DYSF: variants seen among roughly 807,000 people sequenced by gnomAD.
DYSF encodes the protein dystrophy-associated fer-1-like 1.
A neutral mutation model predicts 274.9 loss-of-function variants in DYSF; 212 were observed. The observed-to-expected ratio is 0.77, with a 90% CI of 0.69 to 0.86. The LOEUF (loss-of-function observed/expected upper bound fraction) is 0.86, where lower values mean the gene tolerates loss of function less well. DYSF is among the 40% of genes least tolerant of loss of function. DYSF has a pLI of 0.00. For missense variants in DYSF, 2,666 were observed against 2,783.2 expected (o/e 0.96, Z 0.95); for synonymous variants, 1,091 against 1,078.7 (o/e 1.01, Z -0.22).
chr2:71,454,200 C>T (rs2080955813), intron 1 of DYSF: 3 of 1,055,910 alleles, frequency 2.8e-6, no homozygotes, highest in South Asian at 1.4e-5. Flanking sequence ...TTTCTGGCCC[C>T]GCCAGACTGA....
intron 1 of DYSF, among the ~76,000 whole-genome samples, chr2:71,459,496 G>A (rs112493246): frequency 1.3e-5 from 2 of 152,132 alleles, no homozygotes; most frequent in Non-Finnish European, 1.5e-5. Flanking sequence ...GTGAGCTGAG[G>A]GGGGGACACC....
At chr2:71,630,463 G>A (rs2094294409) in intron 41 of DYSF, among the ~76,000 whole-genome samples, 1 of 152,212 alleles carries the variant, frequency 6.6e-6, no homozygotes, top group Admixed American at 6.5e-5. Context: ...ACCAGGCAGG[G>A]TGTTACTTTA....
chr2:71,675,591 G>A (rs982167609), intron 52 of DYSF, among the ~76,000 whole-genome samples: 1 of 152,206 alleles, frequency 6.6e-6, no homozygotes, highest in Non-Finnish European at 1.5e-5. Context: ...AATGCCCAGA[G>A]AACTTTGTTA....
In DYSF at chr2:71,686,632, C is replaced by T; in HGVS notation, c.*140C>T. 1.1e-6 allele frequency: 1 copy of T among 945,324 alleles called. No homozygotes were observed. The highest frequency in any genetic ancestry group is 1.7e-6 in the Non-Finnish European group (1 of 587,462). The allele number at this position is 945,324 out of a possible 1,614,324, so 58.6% of individuals were successfully genotyped here. On this transcript the variant is annotated 3_prime_UTR_variant, in exon 56 of 56. Transcript: ENST00000410020. Reference sequence around the variant, plus strand: ...CAGGGTGGGCAGACAGACAGATGGACCGGCCCACACTCCCAGAGTTGCTAA... The same window carrying T: ...CAGGGTGGGCAGACAGACAGATGGATCGGCCCACACTCCCAGAGTTGCTAA...
At chr2:71,600,657 C>T (rs1251923785) in intron 33 of DYSF, 45 bp from the exon 34 acceptor site, 4 of 1,613,324 alleles carry the variant, frequency 2.5e-6, no homozygotes, top group Non-Finnish European at 2.5e-6. Flanking sequence ...TCCCTAGAGC[C>T]CTGGGTAAGG....
intron 14 of DYSF, among the ~76,000 whole-genome samples, chr2:71,529,270 C>T (rs780860161): frequency 6.6e-6 from 1 of 152,210 alleles, no homozygotes; most frequent in Non-Finnish European, 1.5e-5. Context: ...AACTTGTCCC[C>T]AGGGCCCATC....
chr2:71,461,937 G>A (rs989025750), upstream of DYSF, among the ~76,000 whole-genome samples: 1 of 152,226 alleles, frequency 6.6e-6, no homozygotes, highest in African/African-American at 2.4e-5. Context: ...GTCTTAAGGG[G>A]ATCAGCTCAC....
At chr2:71,464,734 G>A (rs766863786), upstream of DYSF, among the ~76,000 whole-genome samples, 6 of 152,160 alleles carry the variant, frequency 3.9e-5, no homozygotes, top group East Asian at 9.6e-4. Flanking sequence ...GGGAGCCAAC[G>A]GAAGACTTTG....
intron 1 of DYSF, among the ~76,000 whole-genome samples, chr2:71,476,292 C>T (rs1417450385): frequency 5.9e-5 from 9 of 152,126 alleles, no homozygotes; most frequent in Admixed American, 5.9e-4. Context: ...TGGCTCACAC[C>T]TGTAATCCCA....
chr2:71,618,390 TGTGTGTGTGTGTGGTAGAGGTG>T (rs1558639732), intron 40 of DYSF, among the ~76,000 whole-genome samples: 7 of 6,732 alleles, frequency 1.0e-3, no homozygotes, highest in Admixed American at 2.0e-3. Context: ...GTAGAGGTGG[TGTGTGTGTGTGTGGTAGAGGTG>T]GTGTGTGTGT....
intron 4 of DYSF, among the ~76,000 whole-genome samples, chr2:71,510,559 G>C (rs1367427630): frequency 6.6e-6 from 1 of 152,206 alleles, no homozygotes; most frequent in Admixed American, 6.5e-5. Context: ...CTTTCCACCA[G>C]TGCTGCTCTC....
intron 36 of DYSF, 129 bp from the exon 37 acceptor site, chr2:71,611,116 T>C (rs2093749765): frequency 1.3e-6 from 1 of 782,054 alleles, no homozygotes; most frequent in Admixed American, 2.0e-5. Flanking sequence ...GTTTGTCCAC[T>C]TCTGTCTTTC....
intron 26 of DYSF, among the ~76,000 whole-genome samples, 197 bp from the exon 27 acceptor site, chr2:71,569,623 G>A (rs144199311): frequency 1.1e-3 from 168 of 152,096 alleles, no homozygotes; most frequent in African/African-American, 3.8e-3. Context: ...TTTTGTCCCC[G>A]ATTATCTCGG....
chr2:71,582,969 G>A (rs2092943973), intron 30 of DYSF, among the ~76,000 whole-genome samples: 1 of 147,100 alleles, frequency 6.8e-6, no homozygotes, highest in African/African-American at 2.5e-5. Context: ...CTTGAACCCA[G>A]GGAGGTTAAG....
Position 71,601,537 on chromosome 2 carries a change from T to C in DYSF, c.3927+9T>C, listed in dbSNP as rs1166552389. On this transcript the variant is annotated intron_variant, in intron 35 of 55. Coordinates refer to ENST00000410020, the MANE Select transcript of DYSF (RefSeq NM_001130987.2). Reference sequence around the variant, plus strand: ...ATATTCCTGGTTTTGAGGTAAGTCTTGCTCTGACCTTTCCTTCTTCAAACT... The same window carrying C: ...ATATTCCTGGTTTTGAGGTAAGTCTCGCTCTGACCTTTCCTTCTTCAAACT... The C allele has an allele frequency of 6.2e-7, 1 of 1,614,222 alleles. No homozygotes were observed. The highest frequency in any genetic ancestry group is 1.7e-5 in the Admixed American group (1 of 60,030).
rs760389990 is a variant in DYSF, at chr2:71,513,950, G to T, written c.759+29G>T. Reference sequence around the variant, plus strand: ...ATGAACGGGCTTTCTCTGACCCCAGGCTCCTCTTCAGCCATCAGCTGCGGG... The same window carrying T: ...ATGAACGGGCTTTCTCTGACCCCAGTCTCCTCTTCAGCCATCAGCTGCGGG... On this transcript the variant is annotated intron_variant, in intron 7 of 55. Transcript: ENST00000410020. 2.5e-6 allele frequency: 4 copies of T among 1,613,694 alleles called. No individual in the cohort carries two copies. The South Asian group carries it at 3.3e-5, about 13-fold the overall frequency.
intron 41 of DYSF, among the ~76,000 whole-genome samples, chr2:71,643,278 A>C (rs2094515646): frequency 6.6e-6 from 1 of 151,836 alleles, no homozygotes; most frequent in African/African-American, 2.4e-5. Context: ...TCCTGCAAAT[A>C]GGAGTGACTG....
intron 1 of DYSF, among the ~76,000 whole-genome samples, chr2:71,467,534 A>G (rs1435918844): frequency 6.6e-6 from 1 of 152,182 alleles, no homozygotes; most frequent in African/African-American, 2.4e-5. Context: ...GAATACATAC[A>G]GGTATTTCTG....
intron 40 of DYSF, among the ~76,000 whole-genome samples, chr2:71,616,486 T>TG (rs140173880): frequency 0.018 from 1,734 of 94,016 alleles, 40 homozygotes; most frequent in African/African-American, 0.062. Flanking sequence ...GCATGACAGG[T>TG]GGGGGTGGTA....
Sources: allele counts gnomAD v4.1 joint callset (sites outside exome capture counted in the v4.1 genomes callset), GRCh38; gene constraint gnomAD v4.1.1; transcripts MANE v1.5; gene names NCBI Gene and HGNC (gene_info 2026-07-23, HGNC 2026-07-21).